RBFOX2: variants seen among roughly 807,000 people sequenced by gnomAD.
RBFOX2 encodes RNA binding fox-1 homolog 2.
RBFOX2 carries 10 observed loss-of-function variants against 49.1 expected under a neutral mutation model. That is an observed-to-expected ratio of 0.20 (90% CI 0.13 to 0.35). The LOEUF is 0.35. Among genes scored for constraint, RBFOX2 ranks in the 10% least tolerant of loss-of-function variants. RBFOX2 has a pLI of 1.00. For synonymous variants in RBFOX2, 183 were observed against 187.4 expected, an observed-to-expected ratio of 0.98 and a Z score of 0.19; for missense variants, 323 against 486.9, an observed-to-expected ratio of 0.66 and a Z score of 3.17.
At chr22:35,916,408 A>G (rs1469836408) in intron 1 of RBFOX2, among the ~76,000 whole-genome samples, 1 of 152,186 alleles carries the variant, frequency 6.6e-6, no homozygotes, top group African/African-American at 2.4e-5. Context: ...CAGCCTCCCA[A>G]GTAGTTGGGA....
Position 35,775,517 on chromosome 22 carries a change from G to C in RBFOX2, c.453+2508C>G, listed in dbSNP as rs373759962. The stretch of plus-strand genomic sequence containing the variant: ...GTCATTACTTTCAAATGAGTTACAT[G>C]AGAGAAGTAATTGGATCAGGTAAAT... On this transcript the variant is annotated intron_variant, in intron 4 of 11. Transcript: ENST00000405409. Among the ~76,000 whole-genome samples, 6 of 152,194 alleles carry C rather than the reference G, an allele frequency of 3.9e-5. No homozygotes were observed. In the South Asian group the frequency reaches 1.2e-3, roughly 32 times the overall value.
At chr22:35,985,378 T>G (rs1455923104) in intron 1 of RBFOX2, among the ~76,000 whole-genome samples, 1 of 152,146 alleles carries the variant, frequency 6.6e-6, no homozygotes, top group African/African-American at 2.4e-5. Flanking sequence ...ATTGTAACAC[T>G]CACCAGAGGT....
At chr22:35,741,038 C>CAT in exon 12 of RBFOX2, 1 of 152,332 alleles carries the variant, frequency 6.6e-6, no homozygotes, top group South Asian at 2.1e-4. Context: ...TGGCTCAATT[C>CAT]AGACTGTGGC....
At chr22:35,806,478 A>T (rs1950762667) in intron 2 of RBFOX2, among the ~76,000 whole-genome samples, 1 of 152,190 alleles carries the variant, frequency 6.6e-6, no homozygotes, top group Non-Finnish European at 1.5e-5. Context: ...ATGCATGTGC[A>T]CACACACAAC....
intron 1 of RBFOX2, among the ~76,000 whole-genome samples, chr22:35,890,607 G>A (rs1038471737): frequency 6.6e-6 from 1 of 152,058 alleles, no homozygotes; most frequent in Admixed American, 6.5e-5. Flanking sequence ...AATACAAGAC[G>A]AGGCTAATTG....
intron 1 of RBFOX2, among the ~76,000 whole-genome samples, chr22:35,901,072 A>G (rs1019964544): frequency 2.0e-5 from 3 of 152,146 alleles, no homozygotes; most frequent in African/African-American, 7.2e-5. Context: ...GCATTATCTC[A>G]TTGCATCTTC....
rs113426188 is a variant in RBFOX2, at chr22:35,953,511, C to T, written c.42+8052G>A. On this transcript the variant is annotated intron_variant, in intron 1 of 5. Coordinates refer to the RBFOX2 transcript ENST00000408983. ...GGTTGCCAGCAGGGAAGGGGAAAGACAGGATGATTGCTTAATGGATACGGG... is the reference window on the plus strand; with the variant it reads ...GGTTGCCAGCAGGGAAGGGGAAAGATAGGATGATTGCTTAATGGATACGGG... Among the ~76,000 whole-genome samples, 357 of 152,158 alleles carry T rather than the reference C, an allele frequency of 2.3e-3. 1 individual carries two copies. Among genetic ancestry groups the T allele is most frequent in the African/African-American group, 8.4e-3 (347 of 41,490 alleles).
At chr22:35,820,121 C>T (rs1025294274) in intron 1 of RBFOX2, among the ~76,000 whole-genome samples, 2 of 151,982 alleles carry the variant, frequency 1.3e-5, no homozygotes, top group Admixed American at 6.6e-5. Flanking sequence ...GAAAGAGGGA[C>T]GTTGATAGAA....
intron 1 of RBFOX2, among the ~76,000 whole-genome samples, chr22:35,950,567 G>C (rs561426064): frequency 1.3e-5 from 2 of 152,280 alleles, no homozygotes; most frequent in African/African-American, 4.8e-5. Flanking sequence ...CTTGTGAAGA[G>C]CTTTCCCAAG....
In RBFOX2 at chr22:35,745,999, G is replaced by A; in HGVS notation, c.977-4C>T. 6.2e-7 allele frequency: 1 copy of A among 1,610,994 alleles called. No individual in the cohort carries two copies. Among genetic ancestry groups the A allele is most frequent in the Non-Finnish European group, 8.5e-7 (1 of 1,177,348 alleles). On this transcript the variant is annotated splice_region_variant and splice_polypyrimidine_tract_variant and intron_variant, in intron 10 of 11. Transcript: ENST00000405409. ...GGCTGTGTACACCCTGCCATAACTG[G>A]AAAGAAGAAACACAATCAGACAGAT...
At chr22:35,957,490 T>G (rs2055706611) in intron 1 of RBFOX2, among the ~76,000 whole-genome samples, 1 of 152,158 alleles carries the variant, frequency 6.6e-6, no homozygotes, top group Non-Finnish European at 1.5e-5. Context: ...ACCTTACAGA[T>G]AAGAAAACCA....
chr22:35,870,853 A>C lies in RBFOX2; in HGVS notation c.-33-60849T>G, dbSNP rs566419439. Among the ~76,000 whole-genome samples the C allele has an allele frequency of 1.1e-4, 16 of 152,334 alleles. No homozygotes were observed. In the South Asian group the frequency reaches 3.3e-3, roughly 32 times the overall value. ...AACCATTTGTCCATTGAGAAACATG[A>C]CTACACATGACATGAAATTTAAAGA... On this transcript the variant is annotated intron_variant, in intron 1 of 13. Coordinates refer to the RBFOX2 transcript ENST00000359369.
intron 1 of RBFOX2, among the ~76,000 whole-genome samples, chr22:36,024,443 A>C (rs1165139272): frequency 6.6e-6 from 1 of 152,130 alleles, no homozygotes; most frequent in Non-Finnish European, 1.5e-5. Flanking sequence ...GGAGTTAGAA[A>C]ACGTGTTAAG....
chr22:36,014,196 A>G (rs1354550547), intron 1 of RBFOX2, among the ~76,000 whole-genome samples: 1 of 150,548 alleles, frequency 6.6e-6, no homozygotes, highest in Non-Finnish European at 1.5e-5. Flanking sequence ...ATCGCGGCTC[A>G]CTGCAAGCTC....
intron 1 of RBFOX2, among the ~76,000 whole-genome samples, chr22:35,976,745 C>G (rs1321476199): frequency 6.6e-6 from 1 of 152,042 alleles, no homozygotes; most frequent in Non-Finnish European, 1.5e-5. Flanking sequence ...GGTGGAACAC[C>G]TGAGGTCAGG....
At chr22:36,015,386 A>G (rs1277043948) in intron 1 of RBFOX2, among the ~76,000 whole-genome samples, 1 of 152,238 alleles carries the variant, frequency 6.6e-6, no homozygotes, top group African/African-American at 2.4e-5. Flanking sequence ...TTTCAGGACA[A>G]GTACTACCAA....
At chr22:35,771,911 C>A (rs547194241) in intron 4 of RBFOX2, among the ~76,000 whole-genome samples, 1 of 152,274 alleles carries the variant, frequency 6.6e-6, no homozygotes, top group African/African-American at 2.4e-5. Context: ...TTTGTCACTT[C>A]ACTCTTAGAA....
chr22:35,906,556 C>T (rs1007629309), intron 1 of RBFOX2, among the ~76,000 whole-genome samples: 3 of 152,192 alleles, frequency 2.0e-5, no homozygotes, highest in Admixed American at 1.3e-4. Flanking sequence ...CACAGTGGCT[C>T]ATGTCTGTAA....
At chr22:35,900,697 C>A (rs2048463027) in intron 1 of RBFOX2, among the ~76,000 whole-genome samples, 1 of 151,990 alleles carries the variant, frequency 6.6e-6, no homozygotes, top group African/African-American at 2.4e-5. Context: ...CAGAATTCTG[C>A]TACTCAAATG....
Sources: gnomAD v4.1 joint callset for allele counts (sites outside exome capture counted in the v4.1 genomes callset) on GRCh38, gnomAD v4.1.1 for gene constraint, MANE v1.5 for transcripts, NCBI Gene and HGNC (gene_info 2026-07-23, HGNC 2026-07-21) for gene names.